The following DNAH11 variants were observed in gnomAD, a reference collection of about 807,000 sequenced individuals.
DNAH11 encodes dynein axonemal heavy chain 11, also known as axonemal beta dynein heavy chain 11.
In DNAH11, 442 loss-of-function variants were observed where a neutral mutation model predicts 526.0. That is an observed-to-expected ratio of 0.84 (90% CI 0.78 to 0.91). The LOEUF is 0.91. DNAH11 is among the 40% of genes least tolerant of loss of function. DNAH11 has a pLI of 0.00. For missense variants in DNAH11, 6,989 were observed against 5,448.7 expected (o/e 1.28, Z -8.90); for synonymous variants, 2,461 against 1,935.9 (o/e 1.27, Z -7.12).
intron 28 of DNAH11, among the ~76,000 whole-genome samples, chr7:21,649,526 C>G (rs921604727): frequency 6.6e-6 from 1 of 152,018 alleles, no homozygotes; most frequent in South Asian, 2.1e-4. Context: ...GACATAATAT[C>G]GAACTATAGG....
At chr7:21,554,629 A>G (rs943475148) in intron 2 of DNAH11, among the ~76,000 whole-genome samples, 4 of 152,116 alleles carry the variant, frequency 2.6e-5, no homozygotes, top group Non-Finnish European at 4.4e-5. Context: ...GATACTTGTG[A>G]TAGATATCAT....
chr7:21,674,620 C>T (rs556056766), intron 30 of DNAH11, among the ~76,000 whole-genome samples: 5 of 152,142 alleles, frequency 3.3e-5, no homozygotes, highest in South Asian at 2.1e-4. Flanking sequence ...CGGCCTGCCA[C>T]GATCTTTCTT....
At chr7:21,575,898 C>T (rs191484127) in intron 8 of DNAH11, among the ~76,000 whole-genome samples, 242 of 152,278 alleles carry the variant, frequency 1.6e-3, no homozygotes, top group African/African-American at 4.9e-3. Flanking sequence ...AAAACAACTG[C>T]GCATTCCATC....
intron 54 of DNAH11, among the ~76,000 whole-genome samples, chr7:21,753,286 A>C (rs1786490692): frequency 6.6e-6 from 1 of 152,158 alleles, no homozygotes; most frequent in African/African-American, 2.4e-5. Context: ...TCCTCCCCCA[A>C]ACCCTAAGCT....
chr7:21,679,371 G>T (rs1358702371), intron 30 of DNAH11, among the ~76,000 whole-genome samples: 2 of 152,178 alleles, frequency 1.3e-5, no homozygotes, highest in Non-Finnish European at 2.9e-5. Flanking sequence ...AATTTGCTAA[G>T]AGAGTAAATA....
At chr7:21,726,815 C>T (rs1175813483) in intron 45 of DNAH11, among the ~76,000 whole-genome samples, 4 of 94,238 alleles carry the variant, frequency 4.2e-5, no homozygotes, top group Non-Finnish European at 6.3e-5. Flanking sequence ...GAGCCGAGAT[C>T]GCGCCACTGC....
chr7:21,853,538 T>C (rs11971295), intron 67 of DNAH11, among the ~76,000 whole-genome samples: 14,827 of 152,258 alleles, frequency 0.097, 2,105 homozygotes, highest in African/African-American at 0.3. Context: ...TATATCACCA[T>C]GTAGTGACTT....
At chr7:21,611,460 A>C (rs1785519825) in intron 20 of DNAH11, among the ~76,000 whole-genome samples, 1 of 152,082 alleles carries the variant, frequency 6.6e-6, no homozygotes, top group South Asian at 2.1e-4. Flanking sequence ...AATACCCCTA[A>C]TGAAACTTCC....
chr7:21,727,406 C>T (rs1010635419), intron 45 of DNAH11, among the ~76,000 whole-genome samples: 7 of 152,186 alleles, frequency 4.6e-5, no homozygotes, highest in South Asian at 2.1e-4. Context: ...GTACTTTTCA[C>T]GTATAACGTT....
intron 65 of DNAH11, among the ~76,000 whole-genome samples, chr7:21,820,213 G>A (rs899917835): frequency 6.6e-6 from 1 of 152,132 alleles, no homozygotes; most frequent in Non-Finnish European, 1.5e-5. Context: ...TATATGCCAG[G>A]TACTATACTG....
At chr7:21,809,935 A>G (rs1439983823) in intron 63 of DNAH11, among the ~76,000 whole-genome samples, 1 of 152,202 alleles carries the variant, frequency 6.6e-6, no homozygotes, top group African/African-American at 2.4e-5. Flanking sequence ...TTCAACAAGA[A>G]CATAAAAATT....
chr7:21,719,741 G>T (rs1190271589), intron 43 of DNAH11, among the ~76,000 whole-genome samples: 4 of 152,324 alleles, frequency 2.6e-5, no homozygotes, highest in East Asian at 1.9e-4. Context: ...CCCATCTTCT[G>T]TGGCAAGGAA....
chr7:21,862,151 G>A, intron 69 of DNAH11, 128 bp downstream of exon 69: 1 of 950,594 alleles, frequency 1.1e-6, no homozygotes, highest in Non-Finnish European at 1.5e-6. Flanking sequence ...GCCCTTGGTG[G>A]CATGAGGGGA....
intron 2 of DNAH11, among the ~76,000 whole-genome samples, chr7:21,553,771 T>C (rs1783111623): frequency 6.6e-6 from 1 of 152,236 alleles, no homozygotes; most frequent in South Asian, 2.1e-4. Context: ...ATCTAACCTT[T>C]TTTTGATTAC....
intron 23 of DNAH11, chr7:21,618,467 A>G (rs972276886): frequency 2.6e-5 from 4 of 152,596 alleles, no homozygotes; most frequent in Admixed American, 1.3e-4. Context: ...GACATGAGTG[A>G]GTTTGGGTAT....
chr7:21,753,561 T>C (rs1786502688), intron 54 of DNAH11, among the ~76,000 whole-genome samples: 1 of 152,202 alleles, frequency 6.6e-6, no homozygotes, highest in Admixed American at 6.5e-5. Flanking sequence ...CCCAAAAAGA[T>C]GTCTTCTTGT....
Position 21,748,571 on chromosome 7 carries a change from T to C in DNAH11, c.8511-9T>C, listed in dbSNP as rs949637370. On this transcript the variant is annotated splice_polypyrimidine_tract_variant and intron_variant, in intron 51 of 81. Transcript: ENST00000409508. ...ATTTTGTGCCATAATGGGCGCTTCC[T>C]TTCCTCAGGTGTCGCATCAGCCGGA... is the stretch of plus-strand genomic sequence containing the variant. 1 of 1,503,636 alleles carries C rather than the reference T, an allele frequency of 6.7e-7. No individual in the cohort carries two copies. The highest frequency in any genetic ancestry group is 8.9e-7 in the Non-Finnish European group (1 of 1,122,140). 93.1% of individuals were successfully genotyped at this position (1,503,636 alleles called of 1,614,324 possible). A position where few individuals can be genotyped will look rare whatever the true frequency, so the allele number is the denominator to read the frequency against.
In DNAH11 at chr7:21,787,589, A is replaced by T. The variant is rs1410458353; in HGVS notation, c.9924+6A>T. ...ACATCATTAAATTCTATGAGGTATC[A>T]ATCCTAAATTGATTGTTTACAGATG... On this transcript the variant is annotated splice_donor_region_variant and intron_variant, in intron 60 of 81. Transcript: ENST00000409508. 6.3e-7 allele frequency: 1 copy of T among 1,598,284 alleles called. No individual in the cohort carries two copies. The highest frequency in any genetic ancestry group is 1.7e-5 in the Admixed American group (1 of 57,930).
intron 30 of DNAH11, among the ~76,000 whole-genome samples, chr7:21,665,851 C>T (rs922944548): frequency 6.6e-6 from 1 of 152,082 alleles, no homozygotes; most frequent in Non-Finnish European, 1.5e-5. Flanking sequence ...ATGTATATTA[C>T]AGAAGCTAAC....
Sources: gnomAD v4.1 joint callset for allele counts (sites outside exome capture counted in the v4.1 genomes callset) on GRCh38, gnomAD v4.1.1 for gene constraint, MANE v1.5 for transcripts, NCBI Gene and HGNC (gene_info 2026-07-23, HGNC 2026-07-21) for gene names.